The following XDH variants were observed in gnomAD, a reference collection of about 807,000 sequenced individuals.
XDH encodes the protein xanthine dehydrogenase/oxidase.
A neutral mutation model predicts 156.1 loss-of-function variants in XDH; 138 were observed. The ratio of observed to expected loss-of-function variants is 0.88; its 90% CI spans 0.77 to 1.02. XDH has a LOEUF of 1.02. Ranked by LOEUF, XDH falls within the 50% of genes least tolerant of loss-of-function variation. The pLI is 0.00. For synonymous variants in XDH, 669 were observed against 625.7 expected, an observed-to-expected ratio of 1.07 and a Z score of -1.03; for missense variants, 1,849 against 1,684.9, an observed-to-expected ratio of 1.10 and a Z score of -1.71.
intron 6 of XDH, among the ~76,000 whole-genome samples, chr2:31,393,675 C>T (rs192598503): frequency 8.7e-4 from 133 of 152,006 alleles, no homozygotes; most frequent in African/African-American, 3.1e-3. Context: ...TTCTATTTGT[C>T]GTCCTTATTC....
intron 24 of XDH, among the ~76,000 whole-genome samples, chr2:31,356,193 T>C (rs1484152100): frequency 6.6e-6 from 1 of 152,088 alleles, no homozygotes; most frequent in Non-Finnish European, 1.5e-5. Flanking sequence ...TCAATGCTCC[T>C]CTCTCAAAAT....
At chr2:31,338,763 G>A (rs970105514) in intron 34 of XDH, among the ~76,000 whole-genome samples, 18 of 111,568 alleles carry the variant, frequency 1.6e-4, no homozygotes, top group South Asian at 3.1e-4. Flanking sequence ...TCGCTCTGTC[G>A]CCCAGGCTGG....
At chr2:31,369,048 G>A (rs573740124) in intron 18 of XDH, among the ~76,000 whole-genome samples, 1 of 152,246 alleles carries the variant, frequency 6.6e-6, no homozygotes, top group Admixed American at 6.5e-5. Flanking sequence ...GGCCACATTT[G>A]GCTAGTTACT....
rs72789062 is a variant in XDH at position 31,354,375 on chromosome 2, G to C, written c.2632-4152C>G. On this transcript the variant is annotated intron_variant, in intron 24 of 35. Coordinates refer to ENST00000379416, the MANE Select transcript of XDH (RefSeq NM_000379.4). The stretch of plus-strand genomic sequence containing the variant: ...TCCAAGTTTCAGTGAAAAATCACTT[G>C]TCATACCAAGTGATAGGAAGATCTC... Among the ~76,000 whole-genome samples the C allele has an allele frequency of 9.4e-3, 1,434 of 152,278 alleles. 15 individuals are homozygous for C. The highest frequency in any genetic ancestry group is 0.015 in the Admixed American group (222 of 15,296).
chr2:31,375,947 A>C (rs1686233029), intron 14 of XDH, among the ~76,000 whole-genome samples: 1 of 152,214 alleles, frequency 6.6e-6, no homozygotes, highest in Non-Finnish European at 1.5e-5. Flanking sequence ...TATGTTATCT[A>C]TTTGGTAAAT....
intron 17 of XDH, among the ~76,000 whole-genome samples, chr2:31,370,699 G>A (rs576991045): frequency 6.6e-6 from 1 of 152,258 alleles, no homozygotes; most frequent in South Asian, 2.1e-4. Flanking sequence ...TGTTGCTGGG[G>A]ATATAAAGTG....
Position 31,357,941 on chromosome 2 carries a change from T to C in XDH, c.2631+6217A>G, listed in dbSNP as rs922528954. ...ATGAGATAGATAATTTGAATAGTCC[T>C]AGAACTATTAAGGAAATTTAATCAA... On this transcript the variant is annotated intron_variant, in intron 24 of 35. Coordinates refer to ENST00000379416, the MANE Select transcript of XDH (RefSeq NM_000379.4). Among the ~76,000 whole-genome samples, 7 of 152,166 alleles carry C rather than the reference T, an allele frequency of 4.6e-5. No homozygotes were observed. In the South Asian group the frequency reaches 1.0e-3, roughly 23 times the overall value.
intron 6 of XDH, among the ~76,000 whole-genome samples, chr2:31,394,046 AC>A (rs1480514675): frequency 6.6e-6 from 1 of 152,136 alleles, no homozygotes; most frequent in Admixed American, 6.5e-5. Flanking sequence ...ATTGTCTTGA[AC>A]AAATTGCTAT....
At position 31,335,627 on chromosome 2, in the gene XDH, C is replaced by G. The variant is rs1251145695; in HGVS notation, c.*331G>C. 1 of 432,094 alleles carries G rather than the reference C, an allele frequency of 2.3e-6. No homozygotes were observed. Among genetic ancestry groups the G allele is most frequent in the Non-Finnish European group, 4.3e-6 (1 of 231,674 alleles). The allele number at this position is 432,094 out of a possible 1,614,324, so 26.8% of individuals were successfully genotyped here. A position where few individuals can be genotyped will look rare whatever the true frequency, so the allele number is the denominator to read the frequency against. ...CTTCAAAGGACAGACACCATCAGAA[C>G]TTGAGGTTATACAGGCTGTCCAGTA... On this transcript the variant is annotated 3_prime_UTR_variant, in exon 36 of 36. Coordinates refer to ENST00000379416, the MANE Select transcript of XDH (RefSeq NM_000379.4).
rs1347549306 is a variant in XDH, at chr2:31,385,375, C to A, written c.793+1039G>T. 3.3e-5 allele frequency among the ~76,000 whole-genome samples: 5 copies of A among 152,244 alleles called. No individual in the cohort carries two copies. The East Asian group carries it at 9.7e-4, about 29-fold the overall frequency. ...ACAAAACCACAGTTGGGGACTCTAT[C>A]TTATGTATATGTGCGCACGAGGGAG... On this transcript the variant is annotated intron_variant, in intron 9 of 35. Coordinates refer to ENST00000379416, the MANE Select transcript of XDH (RefSeq NM_000379.4).
intron 8 of XDH, among the ~76,000 whole-genome samples, chr2:31,387,391 TTTTTGTTTTG>T (rs887717104): frequency 6.6e-6 from 1 of 152,160 alleles, no homozygotes; most frequent in African/African-American, 2.4e-5. Flanking sequence ...GAGCTCTCGT[TTTTTGTTTTG>T]TTTTGTTTTG....
chr2:31,403,162 A>G lies in XDH; in HGVS notation c.101-18T>C. ...CAGCCCCACTGGGTGGTCAAGAGTTAAGGAGAATGAACTCAGGGAGAGGAG... is the reference window on the plus strand; with the variant it reads ...CAGCCCCACTGGGTGGTCAAGAGTTGAGGAGAATGAACTCAGGGAGAGGAG... On this transcript the variant is annotated intron_variant, in intron 2 of 35. Transcript: ENST00000379416. 1.2e-6 allele frequency: 2 copies of G among 1,613,610 alleles called. No homozygotes were observed. The highest frequency in any genetic ancestry group is 2.2e-5 in the South Asian group (2 of 91,076).
chr2:31,348,024 C>T (rs1399658577), intron 28 of XDH, among the ~76,000 whole-genome samples: 2 of 152,204 alleles, frequency 1.3e-5, no homozygotes, highest in Non-Finnish European at 2.9e-5. Context: ...AGAGCATGCC[C>T]GCCTCACACA....
At chr2:31,352,349 T>G (rs1685508461) in intron 24 of XDH, among the ~76,000 whole-genome samples, 1 of 152,170 alleles carries the variant, frequency 6.6e-6, no homozygotes, top group Non-Finnish European at 1.5e-5. Context: ...GCTTTCTTTT[T>G]TTGTTGTTTG....
intron 1 of XDH, 136 bp downstream of exon 1, chr2:31,414,489 T>G: frequency 7.5e-7 from 1 of 1,333,904 alleles, no homozygotes; most frequent in Non-Finnish European, 1.1e-6. Context: ...CAGCGACACC[T>G]TTAAAGCGAG....
chr2:31,389,092 A>G (rs1686692123), intron 6 of XDH, among the ~76,000 whole-genome samples: 1 of 152,172 alleles, frequency 6.6e-6, no homozygotes, highest in Non-Finnish European at 1.5e-5. Context: ...TGAGATGAAA[A>G]AGTAGGGGAA....
At chr2:31,386,582 C>T (rs477626) in intron 8 of XDH, 27 bp from the exon 9 acceptor site, 2 of 1,614,032 alleles carry the variant, frequency 1.2e-6, no homozygotes, top group South Asian at 1.1e-5. Flanking sequence ...TCTTACTACA[C>T]TGTCTCCCTC....
At position 31,339,630 on chromosome 2, in the gene XDH, C is replaced by CT; in HGVS notation, c.3632dup (p.Leu1212AlafsTer15). Reference sequence around the variant, plus strand: ...GGCTCCCCTCGGGGGAATAGTGTAGCTCCTCTAGGGTGAAGAGGCCAAGGC... The same window carrying CT: ...GGCTCCCCTCGGGGGAATAGTGTAGCTTCCTCTAGGGTGAAGAGGCCAAGGC... On this transcript the variant is annotated frameshift_variant, in exon 34 of 36. Transcript: ENST00000379416. LOFTEE classifies it high-confidence loss of function. 6.2e-7 allele frequency: 1 copy of CT among 1,614,164 alleles called. No homozygotes were observed.
chr2:31,401,034 G>A (rs983059210), intron 4 of XDH, among the ~76,000 whole-genome samples, 186 bp downstream of exon 4: 6 of 152,132 alleles, frequency 3.9e-5, no homozygotes, highest in African/African-American at 1.4e-4. Flanking sequence ...TTCAGGCTTG[G>A]GTGTTTCTTC....
Sources: allele counts gnomAD v4.1 joint callset (sites outside exome capture counted in the v4.1 genomes callset), GRCh38; gene constraint gnomAD v4.1.1; transcripts MANE v1.5; gene names NCBI Gene and HGNC (gene_info 2026-07-23, HGNC 2026-07-21).